HACL2: variants seen among roughly 807,000 people sequenced by gnomAD.
The protein encoded by HACL2 is 2-hydroxyacyl-CoA lyase 2, also known as 2-hydroxyacyl-CoA lyase 1 like.
chr19:15,120,860 A>T, the HACL2 span, among the ~76,000 whole-genome samples: 1 of 152,140 alleles, frequency 6.6e-6, no homozygotes, highest in African/African-American at 2.4e-5. Context: ...CGAGGCCAGG[A>T]GTTCAAGGCT....
chr19:15,115,476 C>T, the HACL2 span: 28 of 1,603,640 alleles, frequency 1.7e-5, no homozygotes, highest in Middle Eastern at 1.7e-4. Flanking sequence ...CTCAGCCCAC[C>T]GCACATGCAG....
chr19:15,125,423 A>C, the HACL2 span: 1 of 236,142 alleles, frequency 4.2e-6, no homozygotes, highest in Non-Finnish European at 8.4e-6. Context: ...CTCTTTCCAC[A>C]ACCGGACCCC....
chr19:15,119,208 G>A, the HACL2 span: 10 of 1,603,904 alleles, frequency 6.2e-6, no homozygotes, highest in South Asian at 4.5e-5. Flanking sequence ...GCCGCACTGC[G>A]GTTCTCCCGG....
the HACL2 span, chr19:15,116,233 G>A: frequency 6.2e-7 from 1 of 1,614,010 alleles, no homozygotes; most frequent in Non-Finnish European, 8.5e-7. Context: ...TCCACCACCA[G>A]AATTGAGTTG....
chr19:15,122,933 G>T, the HACL2 span: 2 of 1,606,790 alleles, frequency 1.2e-6, no homozygotes, highest in Non-Finnish European at 8.5e-7. This position sits in a 1 kb window ranked among gnomAD's most constrained non-coding sequence, Gnocchi z 4.0. Flanking sequence ...GGCCCTCAGG[G>T]TGGGCACAAT....
the HACL2 span, chr19:15,119,584 T>A: frequency 7.4e-7 from 1 of 1,353,778 alleles, no homozygotes; most frequent in Non-Finnish European, 1.0e-6. Context: ...ACAGTTTCAC[T>A]CTGTTGCCCA....
chr19:15,121,490 A>G, the HACL2 span, among the ~76,000 whole-genome samples: 1 of 152,088 alleles, frequency 6.6e-6, no homozygotes, highest in Non-Finnish European at 1.5e-5. Context: ...AAGAAGAGGA[A>G]GAGGAGGAGG....
the HACL2 span, chr19:15,125,048 G>A: frequency 3.9e-3 from 6,085 of 1,553,606 alleles, 167 homozygotes; most frequent in African/African-American, 0.068. Context: ...CGGCGGCCGC[G>A]GGGGTCTCCA....
the HACL2 span, among the ~76,000 whole-genome samples, chr19:15,120,269 G>C: frequency 1.3e-5 from 2 of 152,112 alleles, no homozygotes; most frequent in Non-Finnish European, 2.9e-5. Flanking sequence ...GTTTGCCCTC[G>C]GTAGCCTCTG....
chr19:15,116,429 C>A, the HACL2 span: 2 of 1,614,006 alleles, frequency 1.2e-6, no homozygotes. Context: ...CTCCTTCTGC[C>A]GGTCGGCTTC....
At chr19:15,119,570 A>G in the HACL2 span, 1 of 1,470,222 alleles carries the variant, frequency 6.8e-7, no homozygotes, top group East Asian at 2.3e-5. Flanking sequence ...TATTTTTTTG[A>G]GACACAGTTT....
At chr19:15,125,091 C>G in the HACL2 span, 3 of 1,500,564 alleles carry the variant, frequency 2.0e-6, no homozygotes, top group South Asian at 3.9e-5. Flanking sequence ...AGGGCACTTC[C>G]CAGACTTGGG....
At chr19:15,122,245 G>T in the HACL2 span, among the ~76,000 whole-genome samples, 1 of 152,050 alleles carries the variant, frequency 6.6e-6, no homozygotes, top group Non-Finnish European at 1.5e-5. This position sits in a 1 kb window ranked among gnomAD's most constrained non-coding sequence, Gnocchi z 4.0. Context: ...TTGGGCAAGT[G>T]ACTTCACCTT....
the HACL2 span, chr19:15,124,152 C>G: frequency 4.5e-5 from 7 of 157,068 alleles, no homozygotes; most frequent in African/African-American, 1.7e-4. Flanking sequence ...CAGACTGTGC[C>G]GAGGCCTCCC....
chr19:15,115,510 C>T, the HACL2 span: 62 of 1,601,476 alleles, frequency 3.9e-5, no homozygotes, highest in African/African-American at 7.8e-4. Context: ...GGAACACAAG[C>T]CCAGCTGGGA....
At chr19:15,116,793 C>G in the HACL2 span, 1 of 455,480 alleles carries the variant, frequency 2.2e-6, no homozygotes, top group Non-Finnish European at 3.9e-6. Context: ...GCCTCGTCCC[C>G]TCCCTCCACC....
the HACL2 span, chr19:15,124,770 T>C: frequency 4.8e-6 from 5 of 1,034,662 alleles, no homozygotes; most frequent in Non-Finnish European, 5.5e-6. Context: ...AGCGTGGCAA[T>C]GGAGACAGGG....
At chr19:15,123,860 A>C in the HACL2 span, 1 of 483,626 alleles carries the variant, frequency 2.1e-6, no homozygotes, top group Non-Finnish European at 3.7e-6. This position sits in a 1 kb window ranked among gnomAD's most constrained non-coding sequence, Gnocchi z 5.1. Context: ...TAAGTGCCCC[A>C]CTGTTACACT....
chr19:15,115,030 T>A, the HACL2 span: 2 of 617,174 alleles, frequency 3.2e-6, no homozygotes, highest in Admixed American at 2.6e-5. Context: ...TCAGTCTCCA[T>A]AAGAGAGGGG....
Sources: allele counts gnomAD v4.1 joint callset (sites outside exome capture counted in the v4.1 genomes callset), GRCh38; gene constraint gnomAD v4.1.1; non-coding constraint Gnocchi (gnomAD v3.1); transcripts MANE v1.5; gene names NCBI Gene and HGNC (gene_info 2026-07-23, HGNC 2026-07-21).